The following KCNQ2 variants were observed in gnomAD, a reference collection of about 807,000 sequenced individuals.
The protein encoded by KCNQ2 is potassium voltage-gated channel subfamily KQT member 2.
KCNQ2 carries 14 observed loss-of-function variants against 84.8 expected under a neutral mutation model. The observed-to-expected ratio is 0.17, with a 90% CI of 0.11 to 0.26. The LOEUF (loss-of-function observed/expected upper bound fraction) is 0.26, where lower values mean the gene tolerates loss of function less well. Ranked by LOEUF, KCNQ2 falls within the 10% of genes least tolerant of loss-of-function variation. The pLI, the probability that KCNQ2 is intolerant of heterozygous loss-of-function variation, is 1.00. For synonymous variants in KCNQ2, 599 were observed against 554.1 expected (o/e 1.08, Z -1.14); for missense variants, 788 against 1,254.0 (o/e 0.63, Z 5.61).
At chr20:63,439,860 C>G (rs1600756283) in intron 5 of KCNQ2, 152 bp from the exon 6 acceptor site, 6 of 689,528 alleles carry the variant, frequency 8.7e-6, no homozygotes, top group Middle Eastern at 3.6e-4. Context: ...AGGCCAGGGT[C>G]GGTGTCGGCC....
At position 63,443,162 on chromosome 20, in the gene KCNQ2, CCACCAT is replaced by C. The variant is rs2081283386; in HGVS notation, c.691-637_691-632del. Among the ~76,000 whole-genome samples, 13 of 109,126 alleles carry C rather than the reference CCACCAT, an allele frequency of 1.2e-4. 1 individual carries two copies. Among genetic ancestry groups the C allele is most frequent in the Non-Finnish European group, 2.2e-4 (11 of 50,418 alleles). The allele number at this position is 109,126 out of a possible 152,430, so 71.6% of individuals were successfully genotyped here. On this transcript the variant is annotated intron_variant, in intron 4 of 16. Transcript: ENST00000359125. ...ATCACCACCACCATCACCGGCGCCA[CCACCAT>C]CACATCACCATCACCATCACCACCA...
At chr20:63,444,614 C>A in intron 4 of KCNQ2, 45 bp downstream of exon 4, 2 of 1,471,450 alleles carry the variant, frequency 1.4e-6, no homozygotes, top group South Asian at 1.4e-5. Context: ...CCAGGACTCT[C>A]GCTGGCTGGG....
intron 4 of KCNQ2, among the ~76,000 whole-genome samples, chr20:63,442,995 C>CCAT (rs2081261305): frequency 1.2e-5 from 1 of 81,114 alleles, no homozygotes; most frequent in Non-Finnish European, 2.5e-5. Flanking sequence ...ATTACCATCA[C>CCAT]CATCACCACC....
chr20:63,402,042 C>CAA lies in KCNQ2; in HGVS notation c.*4601_*4602insTT. On this transcript the variant is annotated 3_prime_UTR_variant, in exon 17 of 17. Coordinates refer to ENST00000359125, the MANE Select transcript of KCNQ2 (RefSeq NM_172107.4). The stretch of plus-strand genomic sequence containing the variant: ...CATGGCAGGTCCAAGCCCTGTGAAC[C>CAA]ATCCCTCTCACACCACGTCTGCCGG... 6.9e-6 allele frequency: 1 copy of CAA among 144,346 alleles called. No homozygotes were observed. 8.9% of individuals were successfully genotyped at this position (144,346 alleles called of 1,614,324 possible).
At chr20:63,433,935 G>C in intron 7 of KCNQ2, 32 bp from the exon 8 acceptor site, 11 of 1,604,876 alleles carry the variant, frequency 6.9e-6, no homozygotes, top group Non-Finnish European at 9.4e-6. Flanking sequence ...AGTTGGCGAG[G>C]GGCAGGCGGC....
At position 63,406,333 on chromosome 20, in the gene KCNQ2, C is replaced by T. The variant is rs1159805543; in HGVS notation, c.*311G>A. 3 of 376,036 alleles carry T rather than the reference C, an allele frequency of 8.0e-6. No individual in the cohort carries two copies. Among genetic ancestry groups the T allele is most frequent in the East Asian group, 5.1e-5 (1 of 19,784 alleles). 23.3% of individuals were successfully genotyped at this position (376,036 alleles called of 1,614,324 possible). A position where few individuals can be genotyped will look rare whatever the true frequency, so the allele number is the denominator to read the frequency against. On this transcript the variant is annotated 3_prime_UTR_variant, in exon 17 of 17. Coordinates refer to ENST00000359125, the MANE Select transcript of KCNQ2 (RefSeq NM_172107.4). The stretch of plus-strand genomic sequence containing the variant: ...GCTGGCAACACCCCGTCATCACTCC[C>T]GCCCCTCCTCACACCGGGCTGATGT...
Position 63,406,920 on chromosome 20 carries a change from C to T in KCNQ2, c.2343G>A (p.Leu781=), listed in dbSNP as rs758441173. Residue 781 remains leucine (L), a synonymous_variant, in exon 17 of 17, where the codon CTG becomes CTA. Transcript: ENST00000359125. The part of the protein sequence containing the change: ...TPGCRPPEGN[L]RDSDTSISIP... Reference sequence around the variant, plus strand: ...TGGAGATGGACGTGTCGCTGTCCCGCAGGTTCCCCTCGGGGGGCCTGCAGC... The same window carrying T: ...TGGAGATGGACGTGTCGCTGTCCCGTAGGTTCCCCTCGGGGGGCCTGCAGC... 3.1e-6 allele frequency: 5 copies of T among 1,608,496 alleles called. No individual in the cohort carries two copies. The South Asian group carries it at 3.3e-5, about 11-fold the overall frequency.
intron 5 of KCNQ2, among the ~76,000 whole-genome samples, chr20:63,440,148 AG>A (rs1420637956): frequency 6.6e-6 from 1 of 152,044 alleles, no homozygotes; most frequent in African/African-American, 2.4e-5. Context: ...GGTGGGCAGG[AG>A]GAGGCCACCA....
intron 12 of KCNQ2, among the ~76,000 whole-genome samples, chr20:63,418,804 T>C (rs2080378277): frequency 6.6e-6 from 1 of 151,238 alleles, no homozygotes; most frequent in African/African-American, 2.4e-5. Context: ...TGGCATGGAG[T>C]CGCGGGCCCC....
rs765977370 is a variant in KCNQ2 at position 63,444,136 on chromosome 20, C to T, written c.690+523G>A. Reference sequence around the variant, plus strand: ...GGCCATTTGAGCAAATGAGCCCACCCGTGAGCAAGGTGGAGGGACAGCACA... The same window carrying T: ...GGCCATTTGAGCAAATGAGCCCACCTGTGAGCAAGGTGGAGGGACAGCACA... On this transcript the variant is annotated intron_variant, in intron 4 of 16. Coordinates refer to ENST00000359125, the MANE Select transcript of KCNQ2 (RefSeq NM_172107.4). Among the ~76,000 whole-genome samples the T allele has an allele frequency of 4.7e-4, 71 of 152,254 alleles. 1 individual carries two copies. Among genetic ancestry groups the T allele is most frequent in the South Asian group, 1.2e-3 (6 of 4,806 alleles).
rs1304295298 is a variant in KCNQ2, at chr20:63,446,656, G to A, written c.387+91C>T. 3.7e-6 allele frequency: 4 copies of A among 1,067,378 alleles called. No homozygotes were observed. In the East Asian group the frequency reaches 9.6e-5, roughly 26 times the overall value. 66.1% of individuals were successfully genotyped at this position (1,067,378 alleles called of 1,614,324 possible). A position where few individuals can be genotyped will look rare whatever the true frequency, so the allele number is the denominator to read the frequency against. The stretch of plus-strand genomic sequence containing the variant: ...AGAGCTGGGGCTGGGGGCGTCAGAG[G>A]CCCTGTAGTAACAGGAACGGAAGAC... On this transcript the variant is annotated intron_variant, in intron 2 of 16. Coordinates refer to ENST00000359125, the MANE Select transcript of KCNQ2 (RefSeq NM_172107.4). The surrounding 1 kb of genome is among the most constrained non-coding windows in gnomAD (Gnocchi z 5.5).
Position 63,431,246 on chromosome 20 carries a change from G to A in KCNQ2, c.1148+94C>T, listed in dbSNP as rs561447035. The A allele has an allele frequency of 1.5e-5, 21 of 1,412,810 alleles. No homozygotes were observed. In the African/African-American group the frequency reaches 2.4e-4, roughly 16 times the overall value. 87.5% of individuals were successfully genotyped at this position (1,412,810 alleles called of 1,614,324 possible). On this transcript the variant is annotated intron_variant, in intron 9 of 16. Transcript: ENST00000359125. ...CAGTGGTCACTCTGCAGACCGGGTGGGCCACGGGGCTCCAGGGGCTTGCCC... is the reference window on the plus strand; with the variant it reads ...CAGTGGTCACTCTGCAGACCGGGTGAGCCACGGGGCTCCAGGGGCTTGCCC...
At chr20:63,424,389 G>A in intron 10 of KCNQ2, 183 bp from the exon 11 acceptor site, 1 of 655,588 alleles carries the variant, frequency 1.5e-6, no homozygotes, top group Non-Finnish European at 2.6e-6. Flanking sequence ...CCAGGAACGG[G>A]CACCCCAGGG....
At chr20:63,450,421 GGGCTGCCCCAGGTGTGGGACGCTGT>G (rs1418037413) in intron 1 of KCNQ2, among the ~76,000 whole-genome samples, 3 of 142,900 alleles carry the variant, frequency 2.1e-5, no homozygotes, top group African/African-American at 7.9e-5. Context: ...CAGGGCCCTG[GGGCTGCCCCAGGTGTGGGACGCTGT>G]GGCTGCCCCA....
chr20:63,460,381 G>A lies in KCNQ2; in HGVS notation c.296+11787C>T, dbSNP rs145619496. On this transcript the variant is annotated intron_variant, in intron 1 of 16. Transcript: ENST00000359125. This position sits in a 1 kb window ranked among gnomAD's most constrained non-coding sequence, Gnocchi z 5.4. ...CTCAAGCTGCCTGTCAGCCCCACCCGAAACCCATTCAGGTGCTGAGGGCAC... is the reference window on the plus strand; with the variant it reads ...CTCAAGCTGCCTGTCAGCCCCACCCAAAACCCATTCAGGTGCTGAGGGCAC... Among the ~76,000 whole-genome samples the A allele has an allele frequency of 3.3e-4, 50 of 152,060 alleles. No homozygotes were observed. The highest frequency in any genetic ancestry group is 3.4e-4 in the Non-Finnish European group (23 of 67,986).
chr20:63,443,154 C>T (rs1368474428), intron 4 of KCNQ2, among the ~76,000 whole-genome samples: 1 of 92,632 alleles, frequency 1.1e-5, no homozygotes, highest in Non-Finnish European at 2.3e-5. Flanking sequence ...CCACCATCAC[C>T]GGCGCCACCA....
At chr20:63,421,798 G>A (rs1170177524) in intron 11 of KCNQ2, among the ~76,000 whole-genome samples, 1 of 152,094 alleles carries the variant, frequency 6.6e-6, no homozygotes, top group African/African-American at 2.4e-5. Flanking sequence ...GCACAAGTCA[G>A]AACCGCCGTG....
At position 63,425,149 on chromosome 20, in the gene KCNQ2, G is replaced by A. The variant is rs1480838071; in HGVS notation, c.1218-943C>T. The stretch of plus-strand genomic sequence containing the variant: ...TACCTCTGTAAGGACAGCTGTCACC[G>A]GGCTAGGGCTCAAGCTGTCACCAGG... On this transcript the variant is annotated intron_variant, in intron 10 of 16. Coordinates refer to ENST00000359125, the MANE Select transcript of KCNQ2 (RefSeq NM_172107.4). The surrounding 1 kb of genome is among the most constrained non-coding windows in gnomAD (Gnocchi z 5.5). Among the ~76,000 whole-genome samples, 3 of 152,044 alleles carry A rather than the reference G, an allele frequency of 2.0e-5. No individual in the cohort carries two copies. Among genetic ancestry groups the A allele is most frequent in the East Asian group, 1.9e-4 (1 of 5,190 alleles).
chr20:63,416,040 G>T (rs2080286390), intron 12 of KCNQ2, among the ~76,000 whole-genome samples: 1 of 152,066 alleles, frequency 6.6e-6, no homozygotes, highest in Admixed American at 6.5e-5. Context: ...GGCCTCCCCT[G>T]TCAGGCTCCC....
Sources: allele counts gnomAD v4.1 joint callset (sites outside exome capture counted in the v4.1 genomes callset), GRCh38; gene constraint gnomAD v4.1.1; non-coding constraint Gnocchi (gnomAD v3.1); transcripts MANE v1.5; gene names NCBI Gene and HGNC (gene_info 2026-07-23, HGNC 2026-07-21).